Variants in AGBL4 observed in about 807,000 individuals in gnomAD.
The protein encoded by AGBL4 is AGBL carboxypeptidase 4.
Under a neutral mutation model 66.4 loss-of-function variants are expected in AGBL4, and 58 were observed. That is an observed-to-expected ratio of 0.87 (90% CI 0.71 to 1.09). AGBL4 has a LOEUF of 1.09. Among genes scored for constraint, AGBL4 ranks in the 50% least tolerant of loss-of-function variants. The probability of loss-of-function intolerance (pLI) is 0.00; values close to 1 mark genes in which losing one functional copy is unlikely to be tolerated. For synonymous variants in AGBL4, 234 were observed against 222.9 expected (o/e 1.05, Z -0.44); for missense variants, 579 against 631.0 (o/e 0.92, Z 0.88).
intron 4 of AGBL4, among the ~76,000 whole-genome samples, chr1:49,196,564 T>C (rs1358166132): frequency 2.0e-5 from 3 of 152,144 alleles, no homozygotes; most frequent in Non-Finnish European, 2.9e-5. Context: ...GGGGGTGTTA[T>C]AATACCTTGT....
chr1:49,601,640 G>A (rs1004184398), intron 3 of AGBL4, among the ~76,000 whole-genome samples: 2 of 152,114 alleles, frequency 1.3e-5, no homozygotes, highest in African/African-American at 4.8e-5. Flanking sequence ...TGGGAAAACT[G>A]ACTAGCCATA....
chr1:48,771,861 A>G (rs12756584), intron 6 of AGBL4, among the ~76,000 whole-genome samples: 11,942 of 152,268 alleles, frequency 0.078, 660 homozygotes, highest in East Asian at 0.3. Context: ...TTTGGAAGCT[A>G]TTTCCCCCAA....
chr1:49,634,288 C>G (rs1024141056), intron 3 of AGBL4, among the ~76,000 whole-genome samples: 2 of 152,114 alleles, frequency 1.3e-5, no homozygotes, highest in Non-Finnish European at 1.5e-5. Flanking sequence ...TGTTCAACTC[C>G]CACTTAAAAG....
At chr1:48,632,271 T>C (rs1645605506) in intron 9 of AGBL4, among the ~76,000 whole-genome samples, 3 of 152,298 alleles carry the variant, frequency 2.0e-5, no homozygotes, top group Admixed American at 2.0e-4. Context: ...ACCCAAGATG[T>C]ACTTATTAAG....
chr1:48,995,979 G>A (rs1409130242), intron 5 of AGBL4, among the ~76,000 whole-genome samples: 1 of 152,150 alleles, frequency 6.6e-6, no homozygotes, highest in Non-Finnish European at 1.5e-5. Context: ...ACATATAATA[G>A]TGACCTGGAT....
Position 49,845,974 on chromosome 1 carries a change from G to T in AGBL4, c.157+5422C>A, listed in dbSNP as rs1646131489. The T allele has an allele frequency of 2.5e-6, 4 of 1,575,762 alleles. No homozygotes were observed. In the East Asian group the frequency reaches 9.0e-5, roughly 35 times the overall value. Reference sequence around the variant, plus strand: ...ACAGCTTGTCCCTCACCAAACATCAGCGAAACCACACTGAGGAGAAGCCCT... The same window carrying T: ...ACAGCTTGTCCCTCACCAAACATCATCGAAACCACACTGAGGAGAAGCCCT... On this transcript the variant is annotated intron_variant, in intron 2 of 13. Transcript: ENST00000371839.
intron 2 of AGBL4, among the ~76,000 whole-genome samples, chr1:49,703,919 C>A (rs555062333): frequency 4.6e-5 from 7 of 151,922 alleles, no homozygotes; most frequent in Non-Finnish European, 1.0e-4. Flanking sequence ...GCAGTAGCAA[C>A]AAGCAATGGC....
intron 3 of AGBL4, among the ~76,000 whole-genome samples, chr1:49,439,821 C>G (rs903351473): frequency 1.3e-5 from 2 of 152,164 alleles, no homozygotes; most frequent in Non-Finnish European, 2.9e-5. Flanking sequence ...ACTGGCTTTC[C>G]TTGCTCCTCA....
chr1:49,097,460 C>G (rs1254817220), intron 4 of AGBL4, among the ~76,000 whole-genome samples: 1 of 152,068 alleles, frequency 6.6e-6, no homozygotes, highest in African/African-American at 2.4e-5. Flanking sequence ...TTATGTTTGT[C>G]TAATATACTT....
At chr1:49,193,895 T>G (rs1042905181) in intron 4 of AGBL4, among the ~76,000 whole-genome samples, 12 of 152,324 alleles carry the variant, frequency 7.9e-5, no homozygotes, top group Middle Eastern at 3.4e-3. Flanking sequence ...TAATTTCCAT[T>G]TTAAAAAATT....
intron 5 of AGBL4, among the ~76,000 whole-genome samples, chr1:48,997,115 GT>G (rs1437473958): frequency 2.0e-5 from 3 of 152,026 alleles, no homozygotes; most frequent in Non-Finnish European, 2.9e-5. Context: ...TAGAGATGGG[GT>G]TTCATCATGT....
chr1:48,656,385 GTTGAACTGATCA>G (rs1325024207), intron 7 of AGBL4, among the ~76,000 whole-genome samples: 1 of 152,222 alleles, frequency 6.6e-6, no homozygotes, highest in African/African-American at 2.4e-5. Flanking sequence ...TGTGGGATTA[GTTGAACTGATCA>G]TTGCTCATTC....
intron 1 of AGBL4, chr1:49,994,998 C>T (rs1660256165): frequency 2.5e-6 from 1 of 392,340 alleles, no homozygotes; most frequent in South Asian, 1.9e-5. Flanking sequence ...CTCTTGGTCC[C>T]CAGGGAAGCC....
chr1:49,720,494 C>T (rs1648515851), intron 2 of AGBL4, among the ~76,000 whole-genome samples: 1 of 152,162 alleles, frequency 6.6e-6, no homozygotes, highest in Non-Finnish European at 1.5e-5. Context: ...TACATAGCAG[C>T]TATTCTGCTA....
chr1:49,508,840 A>C (rs1393557597), intron 3 of AGBL4, among the ~76,000 whole-genome samples: 1 of 151,946 alleles, frequency 6.6e-6, no homozygotes, highest in East Asian at 1.9e-4. Context: ...GACTGTGGGG[A>C]TTATAGCATT....
chr1:49,063,804 T>G (rs1034333524), intron 4 of AGBL4, among the ~76,000 whole-genome samples: 1 of 152,212 alleles, frequency 6.6e-6, no homozygotes, highest in Non-Finnish European at 1.5e-5. Context: ...GGAGGAAGAC[T>G]GTTGCATGCG....
At chr1:49,202,696 T>C (rs984452675) in intron 4 of AGBL4, among the ~76,000 whole-genome samples, 2 of 152,000 alleles carry the variant, frequency 1.3e-5, no homozygotes, top group African/African-American at 4.8e-5. Flanking sequence ...TACATTGCCA[T>C]AGGCAATGCT....
At chr1:48,998,189 A>C (rs943627926) in intron 5 of AGBL4, among the ~76,000 whole-genome samples, 3 of 152,216 alleles carry the variant, frequency 2.0e-5, no homozygotes, top group African/African-American at 7.2e-5. Context: ...CTGATTTAAT[A>C]AACAAATAAA....
Position 48,534,941 on chromosome 1 carries a change from C to T in AGBL4, c.1365-25G>A, listed in dbSNP as rs1163475029. The T allele has an allele frequency of 1.4e-5, 22 of 1,549,370 alleles. No homozygotes were observed. In the South Asian group the frequency reaches 2.0e-4, roughly 14 times the overall value. ...TCTAAAATAGGAGAAAAATTCATGT[C>T]CTTCCTGCCTCTTAGGCTCTAGTAA... On this transcript the variant is annotated intron_variant, in intron 12 of 13. Coordinates refer to ENST00000371839, the MANE Select transcript of AGBL4 (RefSeq NM_032785.4).
Sources: gnomAD v4.1 joint callset for allele counts (sites outside exome capture counted in the v4.1 genomes callset) on GRCh38, gnomAD v4.1.1 for gene constraint, MANE v1.5 for transcripts, NCBI Gene and HGNC (gene_info 2026-07-23, HGNC 2026-07-21) for gene names.